NF2: variants seen among roughly 807,000 people sequenced by gnomAD.
NF2 encodes the protein NF2, moesin-ezrin-radixin like (MERLIN) tumor suppressor, also known as merlin.
A neutral mutation model predicts 83.7 loss-of-function variants in NF2; 8 were observed. The observed-to-expected ratio is 0.10, with a 90% CI of 0.06 to 0.17. The LOEUF is 0.17. NF2 is among the 10% of genes least tolerant of loss of function. NF2 has a pLI of 1.00. For synonymous variants in NF2, 266 were observed against 269.6 expected (o/e 0.99, Z 0.13); for missense variants, 533 against 744.4 (o/e 0.72, Z 3.31).
At chr22:29,651,730 C>T (rs947331299) in intron 4 of NF2, among the ~76,000 whole-genome samples, 5 of 152,196 alleles carry the variant, frequency 3.3e-5, no homozygotes, top group African/African-American at 1.2e-4. Flanking sequence ...CTCTGCATTG[C>T]TCAAATGTGA....
chr22:29,609,006 G>C (rs1409928317), intron 1 of NF2: 3 of 677,398 alleles, frequency 4.4e-6, no homozygotes, highest in Admixed American at 2.0e-5. Context: ...ATCTCCACCG[G>C]AATGTAATGG....
chr22:29,628,097 C>G lies in NF2; in HGVS notation c.115-8654C>G, dbSNP rs954944729. 2.7e-5 allele frequency among the ~76,000 whole-genome samples: 4 copies of G among 150,424 alleles called. No individual in the cohort carries two copies. In the Admixed American group the frequency reaches 2.7e-4, roughly 10 times the overall value. ...CAAGCATCAAGCATTTATGGAGTATCCACAGATTATGCAGCACTTGCCAGG... is the reference window on the plus strand; with the variant it reads ...CAAGCATCAAGCATTTATGGAGTATGCACAGATTATGCAGCACTTGCCAGG... On this transcript the variant is annotated intron_variant, in intron 1 of 15. Coordinates refer to ENST00000338641, the MANE Select transcript of NF2 (RefSeq NM_000268.4).
In NF2 at chr22:29,639,650, C is replaced by T. The variant is rs531955926; in HGVS notation, c.363+438C>T. Among the ~76,000 whole-genome samples, 136 of 149,078 alleles carry T rather than the reference C, an allele frequency of 9.1e-4. 2 individuals are homozygous for T. The highest frequency in any genetic ancestry group is 3.1e-3 in the African/African-American group (127 of 40,428). ...CTGTAATCCCAGCACTTTAGGAGGC[C>T]GAGGCGGGCAGATCACAAGGTCAGG... On this transcript the variant is annotated intron_variant, in intron 3 of 15. Transcript: ENST00000338641.
rs1601690830 is a variant in NF2, at chr22:29,695,745, C to T, written c.*943C>T. 1.3e-5 allele frequency: 3 copies of T among 233,930 alleles called. No homozygotes were observed. In the East Asian group the frequency reaches 1.8e-4, roughly 14 times the overall value. 14.5% of individuals were successfully genotyped at this position (233,930 alleles called of 1,614,324 possible). A position where few individuals can be genotyped will look rare whatever the true frequency, so the allele number is the denominator to read the frequency against. On this transcript the variant is annotated 3_prime_UTR_variant, in exon 16 of 16. Transcript: ENST00000338641. This position sits in a 1 kb window ranked among gnomAD's most constrained non-coding sequence, Gnocchi z 5.4. ...CACTGGCCCAGACTCTGAGCTCCAC[C>T]GGCCCAGTCTGCACGGCCCATCTGC...
intron 1 of NF2, among the ~76,000 whole-genome samples, chr22:29,611,218 A>T (rs2064943591): frequency 6.6e-6 from 1 of 152,194 alleles, no homozygotes; most frequent in Non-Finnish European, 1.5e-5. Context: ...ACCCACAGCT[A>T]ACTTCATAAT....
At chr22:29,685,897 C>T (rs1049199396) in intron 15 of NF2, among the ~76,000 whole-genome samples, 41 of 151,906 alleles carry the variant, frequency 2.7e-4, no homozygotes, top group Admixed American at 2.6e-3. Flanking sequence ...TCTGATTAAC[C>T]GAGGTTCCTA....
At chr22:29,654,980 G>T (rs766570896) in intron 5 of NF2, among the ~76,000 whole-genome samples, 1 of 152,152 alleles carries the variant, frequency 6.6e-6, no homozygotes, top group African/African-American at 2.4e-5. Context: ...TTCAGATGCA[G>T]TTGAGCATCA....
chr22:29,651,146 C>T (rs1173838194), intron 4 of NF2, among the ~76,000 whole-genome samples: 2 of 152,084 alleles, frequency 1.3e-5, no homozygotes, highest in African/African-American at 4.8e-5. Flanking sequence ...GGGAGGGGGT[C>T]TGTCTTTTTT....
At position 29,636,280 on chromosome 22, in the gene NF2, TA is replaced by T. The variant is rs917006634; in HGVS notation, c.115-462del. Among the ~76,000 whole-genome samples, 21 of 151,348 alleles carry T rather than the reference TA, an allele frequency of 1.4e-4. No homozygotes were observed. Among genetic ancestry groups the T allele is most frequent in the Non-Finnish European group, 2.4e-4 (16 of 67,822 alleles). ...GACTTTGATTATGATTTCTTTATAT[TA>T]AAAAAAAACTTGTAGTAAAACCAGT... is the stretch of plus-strand genomic sequence containing the variant. On this transcript the variant is annotated intron_variant, in intron 1 of 15. Transcript: ENST00000338641. The surrounding 1 kb of genome is among the most constrained non-coding windows in gnomAD (Gnocchi z 4.4).
chr22:29,654,632 C>T (rs2146965976), intron 4 of NF2, 25 bp from the exon 5 acceptor site: 1 of 1,608,204 alleles, frequency 6.2e-7, no homozygotes. Flanking sequence ...ATCTCAATCG[C>T]CTGCTCTCCC....
intron 4 of NF2, among the ~76,000 whole-genome samples, chr22:29,644,165 G>A (rs1169537183): frequency 2.6e-5 from 4 of 151,336 alleles, no homozygotes; most frequent in Admixed American, 1.3e-4. Context: ...CTTCACAGAC[G>A]GGGCGGTTGC....
intron 4 of NF2, among the ~76,000 whole-genome samples, chr22:29,649,016 C>T (rs1318782188): frequency 1.3e-5 from 2 of 152,042 alleles, no homozygotes; most frequent in Admixed American, 1.3e-4. Flanking sequence ...ATTGGTGAAA[C>T]AGATGCAATG....
In NF2 at chr22:29,696,194, C is replaced by A. The variant is rs1225777483; in HGVS notation, c.*1392C>A. 3 of 219,792 alleles carry A rather than the reference C, an allele frequency of 1.4e-5. No individual in the cohort carries two copies. The highest frequency in any genetic ancestry group is 5.8e-5 in the Admixed American group (1 of 17,268). 13.6% of individuals were successfully genotyped at this position (219,792 alleles called of 1,614,324 possible). On this transcript the variant is annotated 3_prime_UTR_variant, in exon 16 of 16. Coordinates refer to ENST00000338641, the MANE Select transcript of NF2 (RefSeq NM_000268.4). ...GTTCAAGCAATTCTCCTGCCTCAGC[C>A]TCCCAAGTAGCTGGGACTACAGGCA...
chr22:29,666,189 C>G (rs1293069821), intron 9 of NF2, among the ~76,000 whole-genome samples: 2 of 151,946 alleles, frequency 1.3e-5, no homozygotes, highest in African/African-American at 2.4e-5. Context: ...GGGTCTCACT[C>G]TGTTGCCCAG....
At chr22:29,647,694 T>C (rs912087635) in intron 4 of NF2, among the ~76,000 whole-genome samples, 1 of 152,322 alleles carries the variant, frequency 6.6e-6, no homozygotes, top group Non-Finnish European at 1.5e-5. Context: ...CAGAATGGTA[T>C]TTTTCTTCCC....
chr22:29,684,290 G>A (rs988906823), intron 15 of NF2: 3 of 152,204 alleles, frequency 2.0e-5, no homozygotes, highest in African/African-American at 7.2e-5. Context: ...TCCGCGCTCT[G>A]AGCAGGGCAG....
chr22:29,644,406 G>A (rs1446632943), intron 4 of NF2, among the ~76,000 whole-genome samples: 5 of 150,906 alleles, frequency 3.3e-5, no homozygotes, highest in East Asian at 2.0e-4. Flanking sequence ...ATGGGATGGC[G>A]GCTGGGCAGA....
In NF2 at chr22:29,694,783, C is replaced by T. The variant is rs1246154574; in HGVS notation, c.1769C>T (p.Ala590Val). ...TTGCAGAGCGCCAAGTCCCGAGTGG[C>T]CTTCTTTGAAGAGCTCTAGCAGGTG... ...LTLQSAKSRVAFFEEL is the reference protein window; with the variant it reads ...LTLQSAKSRVVFFEEL Residue 590 changes from alanine (A) to valine (V), a missense_variant, in exon 16 of 16, where the codon GCC (alanine) becomes GTC (valine). Physicochemically the swap from Ala to Val is moderately conservative, Grantham distance 64. This residue lies in a region of NF2 where 199 missense variants were observed against 240.7 expected (regional missense o/e 0.83). Transcript: ENST00000338641. This position sits in a 1 kb window ranked among gnomAD's most constrained non-coding sequence, Gnocchi z 4.1. 1.2e-6 allele frequency: 2 copies of T among 1,613,666 alleles called. No individual in the cohort carries two copies. Among genetic ancestry groups the T allele is most frequent in the Admixed American group, 1.7e-5 (1 of 59,976 alleles).
At chr22:29,635,037 C>T (rs1255935991) in intron 1 of NF2, among the ~76,000 whole-genome samples, 1 of 152,092 alleles carries the variant, frequency 6.6e-6, no homozygotes, top group Non-Finnish European at 1.5e-5. Context: ...GAGAAACGGC[C>T]CTGCTAAAAG....
Sources: allele counts gnomAD v4.1 joint callset (sites outside exome capture counted in the v4.1 genomes callset), GRCh38; gene constraint gnomAD v4.1.1; regional missense constraint gnomAD v4.1.1; non-coding constraint Gnocchi (gnomAD v3.1); transcripts MANE v1.5; gene names NCBI Gene and HGNC (gene_info 2026-07-23, HGNC 2026-07-21).